Variants in HMGB1 observed in about 807,000 individuals in gnomAD.
The protein encoded by HMGB1 is high mobility group box 1.
For missense variants in HMGB1, 79 were observed against 253.5 expected, an observed-to-expected ratio of 0.31 and a Z score of 4.67; for synonymous variants, 81 against 84.0, an observed-to-expected ratio of 0.96 and a Z score of 0.19.
chr13:30,552,536 A>G (rs1869475592), intron 1 of HMGB1, among the ~76,000 whole-genome samples: 1 of 152,178 alleles, frequency 6.6e-6, no homozygotes, highest in Admixed American at 6.5e-5. Context: ...TACACTGGGT[A>G]TCTCTCTTCG....
At chr13:30,590,504 A>G (rs2097690175) in intron 1 of HMGB1, among the ~76,000 whole-genome samples, 3 of 152,118 alleles carry the variant, frequency 2.0e-5, no homozygotes, top group African/African-American at 7.2e-5. Context: ...CGCCCGGCCT[A>G]AACTTAAATT....
At chr13:30,486,817 T>A (rs964030576) in intron 1 of HMGB1, among the ~76,000 whole-genome samples, 1 of 152,000 alleles carries the variant, frequency 6.6e-6, no homozygotes, top group African/African-American at 2.4e-5. Flanking sequence ...TGCTCTCGGT[T>A]GGGGTGACAT....
intron 1 of HMGB1, among the ~76,000 whole-genome samples, chr13:30,615,573 C>T (rs541044174): frequency 3.9e-5 from 6 of 152,260 alleles, no homozygotes; most frequent in Admixed American, 6.5e-5. Flanking sequence ...TGGTTTTCAC[C>T]GCTTTCTGAA....
Position 30,463,361 on chromosome 13 carries a change from T to C in HMGB1, c.151-9A>G. On this transcript the variant is annotated splice_polypyrimidine_tract_variant and intron_variant, in intron 2 of 4. Coordinates refer to ENST00000341423, the MANE Select transcript of HMGB1 (RefSeq NM_002128.7). ...TCTTTAGCAGACATGGTCTACAAAA[T>C]AATTATTTGTAAGTTTAAGTTGTAA... is the stretch of plus-strand genomic sequence containing the variant. 2 of 1,588,774 alleles carry C rather than the reference T, an allele frequency of 1.3e-6. No homozygotes were observed. The highest frequency in any genetic ancestry group is 1.2e-5 in the South Asian group (1 of 86,666).
intron 1 of HMGB1, among the ~76,000 whole-genome samples, chr13:30,481,786 C>T (rs1415447602): frequency 1.3e-5 from 2 of 152,164 alleles, no homozygotes; most frequent in Admixed American, 6.5e-5. Context: ...CAGGAAGCTT[C>T]TGTCTTACTC....
intron 1 of HMGB1, among the ~76,000 whole-genome samples, chr13:30,524,087 A>C (rs1309696114): frequency 6.6e-6 from 1 of 152,032 alleles, no homozygotes; most frequent in Admixed American, 6.6e-5. Flanking sequence ...CTAACACAGG[A>C]ACAGAAAACC....
rs1328827388 is a variant in HMGB1, at chr13:30,463,600, A to G, written c.81T>C (p.His27=). 1 of 1,606,938 alleles carries G rather than the reference A, an allele frequency of 6.2e-7. No homozygotes were observed. The highest frequency in any genetic ancestry group is 1.7e-5 in the Admixed American group (1 of 59,784). Residue 27 remains histidine, a synonymous_variant, in exon 2 of 5, where the codon CAT becomes CAC. Transcript: ENST00000341423. ...CTGAAGCATCTGGGTGCTTCTTCTT[A>G]TGCTCCTCCCGACAAGTTTGCACAA... ...AFFVQTCREE[H]KKKHPDASVN... is the part of the protein sequence containing the mutation.
chr13:30,519,164 G>A (rs1189084928), intron 1 of HMGB1, among the ~76,000 whole-genome samples: 10 of 151,956 alleles, frequency 6.6e-5, no homozygotes, highest in East Asian at 1.9e-4. Flanking sequence ...AGGCCGAGGC[G>A]GGTGGATCAT....
intron 1 of HMGB1, among the ~76,000 whole-genome samples, chr13:30,464,894 C>A (rs941395490): frequency 7.1e-6 from 1 of 139,896 alleles, no homozygotes; most frequent in African/African-American, 2.6e-5. Context: ...GGGGGAGGGG[C>A]GGGGGGCGCG....
intron 1 of HMGB1, among the ~76,000 whole-genome samples, chr13:30,575,727 A>T (rs146277213): frequency 8.3e-4 from 126 of 152,312 alleles, no homozygotes; most frequent in African/African-American, 3.0e-3. Flanking sequence ...AGTCAATGAT[A>T]GGAAAAAAAC....
At chr13:30,480,782 T>C (rs867150219) in intron 1 of HMGB1, among the ~76,000 whole-genome samples, 4 of 152,068 alleles carry the variant, frequency 2.6e-5, no homozygotes, top group Middle Eastern at 6.8e-3. Context: ...CCCTTCTCTC[T>C]CATGCTTGGC....
At position 30,498,626 on chromosome 13, in the gene HMGB1, A is replaced by AATTATTATTATT. The variant is rs71192659; in HGVS notation, c.-14-34944_-14-34933dup. The stretch of plus-strand genomic sequence containing the variant: ...ACAAATCTAGGCAAAGGAATCAGCA[A>AATTATTATTATT]ATTATTATTATTATTATTATTATTA... On this transcript the variant is annotated intron_variant, in intron 1 of 4. Transcript: ENST00000405805. Among the ~76,000 whole-genome samples, 393 of 143,956 alleles carry AATTATTATTATT rather than the reference A, an allele frequency of 2.7e-3. 2 individuals carry two copies. Among genetic ancestry groups the AATTATTATTATT allele is most frequent in the African/African-American group, 5.2e-3 (203 of 38,884 alleles). The allele number at this position is 143,956 out of a possible 152,430, so 94.4% of individuals were successfully genotyped here.
intron 1 of HMGB1, among the ~76,000 whole-genome samples, chr13:30,548,045 A>G (rs1391766003): frequency 6.6e-6 from 1 of 152,208 alleles, no homozygotes; most frequent in Non-Finnish European, 1.5e-5. Flanking sequence ...AAAATTTGCA[A>G]TAGGAATACC....
intron 1 of HMGB1, among the ~76,000 whole-genome samples, chr13:30,537,677 ATATATATATATATATATAT>A: frequency 7.4e-6 from 1 of 134,334 alleles, no homozygotes; most frequent in Admixed American, 7.4e-5. Context: ...ATATATATAT[ATATATATATATATATATAT>A]AAAATTGATG....
intron 1 of HMGB1, among the ~76,000 whole-genome samples, chr13:30,490,017 C>T (rs1197440329): frequency 1.5e-5 from 2 of 131,878 alleles, no homozygotes; most frequent in East Asian, 2.2e-4. Context: ...TCAGCCACTG[C>T]GCTGGTCTCA....
intron 1 of HMGB1, among the ~76,000 whole-genome samples, chr13:30,560,722 T>G (rs1257526029): frequency 1.3e-5 from 2 of 152,218 alleles, no homozygotes; most frequent in African/African-American, 4.8e-5. Flanking sequence ...AAAGGATAGG[T>G]TCCCATGGAG....
intron 1 of HMGB1, among the ~76,000 whole-genome samples, chr13:30,506,249 C>T (rs955038716): frequency 9.9e-5 from 15 of 152,060 alleles, no homozygotes; most frequent in African/African-American, 3.6e-4. Flanking sequence ...GGGGTGGCGT[C>T]TTGGGTGGAA....
At position 30,461,153 on chromosome 13, in the gene HMGB1, T is replaced by C. The variant is rs10444630; in HGVS notation, c.*204A>G. 38 of 1,337,404 alleles carry C rather than the reference T, an allele frequency of 2.8e-5. 1 individual carries two copies. In the African/African-American group the frequency reaches 5.1e-4, roughly 18 times the overall value. The allele number at this position is 1,337,404 out of a possible 1,614,324, so 82.8% of individuals were successfully genotyped here. A position where few individuals can be genotyped will look rare whatever the true frequency, so the allele number is the denominator to read the frequency against. On this transcript the variant is annotated 3_prime_UTR_variant, in exon 5 of 5. Transcript: ENST00000341423. The stretch of plus-strand genomic sequence containing the variant: ...CCCATACTGTACCAGGCAAGGTTAG[T>C]GGCTATTGAAAATACCACCAGGACA...
intron 1 of HMGB1, among the ~76,000 whole-genome samples, chr13:30,502,126 A>G (rs918646719): frequency 4.6e-5 from 7 of 152,208 alleles, no homozygotes; most frequent in Non-Finnish European, 1.0e-4. Flanking sequence ...TTAGAAATGA[A>G]TTTTAAAAAT....
Sources: gnomAD v4.1 joint callset for allele counts (sites outside exome capture counted in the v4.1 genomes callset) on GRCh38, gnomAD v4.1.1 for gene constraint, MANE v1.5 for transcripts, NCBI Gene and HGNC (gene_info 2026-07-23, HGNC 2026-07-21) for gene names.